The following SLC39A8 variants were observed in gnomAD, a reference collection of about 807,000 sequenced individuals.
The protein encoded by SLC39A8 is metal cation symporter ZIP8.
Under a neutral mutation model 40.4 loss-of-function variants are expected in SLC39A8, and 15 were observed. That is an observed-to-expected ratio of 0.37 (90% CI 0.25 to 0.57). The LOEUF is 0.57. Among genes scored for constraint, SLC39A8 ranks in the 20% least tolerant of loss-of-function variants. The probability of loss-of-function intolerance (pLI) is 0.75; values close to 1 mark genes in which losing one functional copy is unlikely to be tolerated. For synonymous variants in SLC39A8, 223 were observed against 221.6 expected (o/e 1.01, Z -0.06); for missense variants, 472 against 558.8 (o/e 0.84, Z 1.57).
intron 3 of SLC39A8, among the ~76,000 whole-genome samples, chr4:102,311,673 T>G (rs1364824615): frequency 6.6e-6 from 1 of 152,138 alleles, no homozygotes; most frequent in Admixed American, 6.6e-5. Context: ...AGAATTTAAC[T>G]TATCATCAGT....
chr4:102,287,112 AG>A (rs1733217408), intron 6 of SLC39A8, among the ~76,000 whole-genome samples: 1 of 152,132 alleles, frequency 6.6e-6, no homozygotes, highest in Non-Finnish European at 1.5e-5. Flanking sequence ...ATAGCTAAAA[AG>A]CTACCCCAGT....
intron 2 of SLC39A8, among the ~76,000 whole-genome samples, chr4:102,329,776 G>A (rs1735369566): frequency 6.6e-6 from 1 of 151,940 alleles, no homozygotes; most frequent in African/African-American, 2.4e-5. Flanking sequence ...CCACATAATT[G>A]GAAGTAAAAC....
In SLC39A8 at chr4:102,263,457, C is replaced by T. The variant is rs58928104; in HGVS notation, c.1234-264G>A. On this transcript the variant is annotated intron_variant, in intron 8 of 8. Coordinates refer to ENST00000356736, the MANE Select transcript of SLC39A8 (RefSeq NM_001135146.2). ...GTATATACCATAATTTAAAAAAATA[C>T]TTTATTGCTAAAAAATGCTACCAAT... is the stretch of plus-strand genomic sequence containing the variant. Among the ~76,000 whole-genome samples, 11,279 of 152,194 alleles carry T rather than the reference C, an allele frequency of 0.074. 1,368 individuals carry two copies. Among genetic ancestry groups the T allele is most frequent in the African/African-American group, 0.25 (10,538 of 41,486 alleles).
chr4:102,320,453 AGT>A lies in SLC39A8; in HGVS notation c.220-4625_220-4624del, dbSNP rs1209314193. The stretch of plus-strand genomic sequence containing the variant: ...ATATATATGAGAATATATATATGAG[AGT>A]ATATATACATATGAGAATATATATA... On this transcript the variant is annotated intron_variant, in intron 2 of 8. Coordinates refer to ENST00000356736, the MANE Select transcript of SLC39A8 (RefSeq NM_001135146.2). Among the ~76,000 whole-genome samples, 183 of 98,668 alleles carry A rather than the reference AGT, an allele frequency of 1.9e-3. 2 individuals are homozygous for A. Among genetic ancestry groups the A allele is most frequent in the African/African-American group, 6.5e-3 (166 of 25,554 alleles). 64.7% of individuals were successfully genotyped at this position (98,668 alleles called of 152,430 possible). A position where few individuals can be genotyped will look rare whatever the true frequency, so the allele number is the denominator to read the frequency against.
chr4:102,288,580 T>G (rs1733288097), intron 6 of SLC39A8, among the ~76,000 whole-genome samples: 1 of 152,162 alleles, frequency 6.6e-6, no homozygotes, highest in African/African-American at 2.4e-5. Context: ...AATCTAGGTT[T>G]TGTGTGCCAA....
intron 6 of SLC39A8, among the ~76,000 whole-genome samples, chr4:102,285,175 T>C (rs1289388612): frequency 6.6e-6 from 1 of 152,154 alleles, no homozygotes; most frequent in Non-Finnish European, 1.5e-5. Flanking sequence ...CCTTAATCAC[T>C]TCGAAAAAGA....
intron 8 of SLC39A8, among the ~76,000 whole-genome samples, chr4:102,263,623 T>C (rs1731962682): frequency 6.6e-6 from 1 of 152,118 alleles, no homozygotes; most frequent in Non-Finnish European, 1.5e-5. Context: ...ACAATGACAT[T>C]TGCAACATCA....
At chr4:102,274,952 C>T (rs941900020) in intron 6 of SLC39A8, among the ~76,000 whole-genome samples, 1 of 152,190 alleles carries the variant, frequency 6.6e-6, no homozygotes, top group Admixed American at 6.5e-5. Flanking sequence ...CTGAAGGAAG[C>T]AGTAAATATG....
chr4:102,307,192 C>T (rs1734213881), intron 4 of SLC39A8, among the ~76,000 whole-genome samples: 1 of 151,960 alleles, frequency 6.6e-6, no homozygotes, highest in African/African-American at 2.4e-5. Flanking sequence ...CTGAGGTGTC[C>T]CAGAGCTGTC....
At chr4:102,328,850 C>T (rs993712529) in intron 2 of SLC39A8, among the ~76,000 whole-genome samples, 10 of 151,960 alleles carry the variant, frequency 6.6e-5, no homozygotes, top group African/African-American at 2.4e-4. Flanking sequence ...ACGGTGAAAC[C>T]CCGTCTCTAC....
intron 2 of SLC39A8, among the ~76,000 whole-genome samples, chr4:102,331,185 C>T (rs751354189): frequency 6.6e-6 from 1 of 152,102 alleles, no homozygotes; most frequent in East Asian, 1.9e-4. Flanking sequence ...GGCAATCAGG[C>T]AAGAGAAAGA....
At chr4:102,320,427 T>TATATATGAGAATATATATATGAGA (rs1383945568) in intron 2 of SLC39A8, among the ~76,000 whole-genome samples, 1 of 109,188 alleles carries the variant, frequency 9.2e-6, no homozygotes, top group African/African-American at 3.6e-5. Flanking sequence ...TATGAGAATA[T>TATATATGAGAATATATATATGAGA]ATATATATGA....
intron 2 of SLC39A8, among the ~76,000 whole-genome samples, chr4:102,328,453 G>T (rs1425366225): frequency 6.6e-6 from 1 of 152,108 alleles, no homozygotes; most frequent in Non-Finnish European, 1.5e-5. Context: ...TAAACCAGCA[G>T]AATAGAGAGT....
At chr4:102,257,274 CT>C (rs1479372404), downstream of SLC39A8, among the ~76,000 whole-genome samples, 11 of 151,974 alleles carry the variant, frequency 7.2e-5, no homozygotes, top group African/African-American at 2.7e-4. Flanking sequence ...CCTCAGCCTC[CT>C]GAATAACTGG....
chr4:102,334,373 T>A (rs183684363), intron 2 of SLC39A8, among the ~76,000 whole-genome samples: 25 of 152,346 alleles, frequency 1.6e-4, no homozygotes, highest in African/African-American at 6.0e-4. Flanking sequence ...CTGGGGGAAC[T>A]GATATGTCCC....
intron 2 of SLC39A8, among the ~76,000 whole-genome samples, chr4:102,332,818 T>C (rs1442703595): frequency 6.6e-6 from 1 of 152,172 alleles, no homozygotes; most frequent in Admixed American, 6.5e-5. Context: ...ATATACACCA[T>C]GGAATACCAT....
At chr4:102,293,008 G>C (rs1037582524) in intron 6 of SLC39A8, among the ~76,000 whole-genome samples, 10 of 152,006 alleles carry the variant, frequency 6.6e-5, no homozygotes, top group African/African-American at 2.4e-4. Flanking sequence ...TTTTGACAAA[G>C]ATAAGTTGCA....
Position 102,335,306 on chromosome 4 carries a change from G to A in SLC39A8, c.219+9138C>T, listed in dbSNP as rs562984193. Among the ~76,000 whole-genome samples the A allele has an allele frequency of 8.5e-5, 13 of 152,216 alleles. 1 individual carries two copies. In the South Asian group the frequency reaches 1.0e-3, roughly 12 times the overall value. On this transcript the variant is annotated intron_variant, in intron 2 of 8. Coordinates refer to ENST00000356736, the MANE Select transcript of SLC39A8 (RefSeq NM_001135146.2). ...AGGAACTTTTGCCAAGCTCAGAATCGGTGTACTGATTTTACTGTTCGCTGA... is the reference window on the plus strand; with the variant it reads ...AGGAACTTTTGCCAAGCTCAGAATCAGTGTACTGATTTTACTGTTCGCTGA...
At chr4:102,313,872 G>C (rs917583088) in intron 3 of SLC39A8, among the ~76,000 whole-genome samples, 10 of 152,054 alleles carry the variant, frequency 6.6e-5, no homozygotes, top group Non-Finnish European at 1.0e-4. Flanking sequence ...ACAGGGATGA[G>C]TCACCGTGCC....
Sources: gnomAD v4.1 joint callset for allele counts (sites outside exome capture counted in the v4.1 genomes callset) on GRCh38, gnomAD v4.1.1 for gene constraint, MANE v1.5 for transcripts, NCBI Gene and HGNC (gene_info 2026-07-23, HGNC 2026-07-21) for gene names.